The following TNIK variants were observed in gnomAD, a reference collection of about 807,000 sequenced individuals.
The protein encoded by TNIK is TRAF2 and NCK interacting kinase.
Under a neutral mutation model 191.3 loss-of-function variants are expected in TNIK, and 49 were observed. The ratio of observed to expected loss-of-function variants is 0.26; its 90% CI spans 0.20 to 0.32. The LOEUF (loss-of-function observed/expected upper bound fraction) is 0.32. Ranked by LOEUF, TNIK falls within the 10% of genes least tolerant of loss-of-function variation. TNIK has a pLI of 1.00. For synonymous variants in TNIK, 594 were observed against 600.9 expected, an observed-to-expected ratio of 0.99 and a Z score of 0.17; for missense variants, 1,155 against 1,702.3, an observed-to-expected ratio of 0.68 and a Z score of 5.66.
chr3:171,415,037 G>C (rs1722878496), intron 1 of TNIK, among the ~76,000 whole-genome samples: 1 of 152,028 alleles, frequency 6.6e-6, no homozygotes, highest in Non-Finnish European at 1.5e-5. Flanking sequence ...TTTCTACCAG[G>C]CTCCCCCTTC....
intron 2 of TNIK, among the ~76,000 whole-genome samples, chr3:171,367,770 AG>A (rs1437820830): frequency 6.6e-6 from 1 of 152,156 alleles, no homozygotes; most frequent in African/African-American, 2.4e-5. Context: ...GCACCTGGCC[AG>A]GCCCCAAAGC....
intron 2 of TNIK, among the ~76,000 whole-genome samples, chr3:171,263,912 G>A (rs1453168248): frequency 2.0e-5 from 3 of 151,994 alleles, no homozygotes; most frequent in African/African-American, 7.3e-5. Context: ...TTTTAATAAG[G>A]CTGGAGTACT....
chr3:171,394,319 A>T (rs764957917), intron 1 of TNIK, among the ~76,000 whole-genome samples: 1 of 152,198 alleles, frequency 6.6e-6, no homozygotes. Flanking sequence ...CTCTGAACTC[A>T]ATATAACTTT....
At chr3:171,119,401 G>A (rs978266955) in intron 18 of TNIK, among the ~76,000 whole-genome samples, 3 of 152,176 alleles carry the variant, frequency 2.0e-5, no homozygotes, top group Non-Finnish European at 4.4e-5. Context: ...CAGGGATCTA[G>A]AACTAGAAAT....
chr3:171,441,587 G>A (rs1726808042), intron 1 of TNIK, among the ~76,000 whole-genome samples: 1 of 152,026 alleles, frequency 6.6e-6, no homozygotes, highest in African/African-American at 2.4e-5. Flanking sequence ...TCCATTTTTG[G>A]GCCACTGTGA....
intron 2 of TNIK, among the ~76,000 whole-genome samples, chr3:171,260,766 A>AT (rs1411526394): frequency 9.2e-5 from 14 of 152,230 alleles, no homozygotes. Flanking sequence ...CACACAGCCC[A>AT]TTTTAAAAAC....
At chr3:171,249,309 A>G (rs1326951745) in intron 2 of TNIK, among the ~76,000 whole-genome samples, 1 of 152,216 alleles carries the variant, frequency 6.6e-6, no homozygotes, top group Non-Finnish European at 1.5e-5. Flanking sequence ...ATGTTACACC[A>G]CATATTTTCA....
At chr3:171,217,196 C>T (rs1741553499) in intron 3 of TNIK, among the ~76,000 whole-genome samples, 2 of 152,144 alleles carry the variant, frequency 1.3e-5, no homozygotes, top group South Asian at 4.1e-4. Flanking sequence ...GGTATGCATA[C>T]ACCATGCAAT....
intron 4 of TNIK, among the ~76,000 whole-genome samples, chr3:171,206,563 A>G (rs975426354): frequency 6.6e-6 from 1 of 152,060 alleles, no homozygotes; most frequent in Non-Finnish European, 1.5e-5. Context: ...ACCTATCTGA[A>G]AATGGACTGA....
intron 2 of TNIK, among the ~76,000 whole-genome samples, chr3:171,312,145 C>CTAGACTGGCATATCTGATTT (rs1322485404): frequency 1.2e-5 from 1 of 84,758 alleles, no homozygotes; most frequent in Non-Finnish European, 2.3e-5. Flanking sequence ...AAAAAAAGGG[C>CTAGACTGGCATATCTGATTT]TAGACTGGCA....
chr3:171,218,845 T>C (rs1468263579), intron 3 of TNIK, among the ~76,000 whole-genome samples: 1 of 120,794 alleles, frequency 8.3e-6, no homozygotes. Flanking sequence ...ATATTTGATA[T>C]ATATTACATA....
rs372397594 is a variant in TNIK at position 171,188,669 on chromosome 3, G to C, written c.639+33C>G. The stretch of plus-strand genomic sequence containing the variant: ...TATAAGACTCAGGATAAGATGGTAG[G>C]CATAGTTTTGAAACACGACAAAGAA... On this transcript the variant is annotated intron_variant, in intron 7 of 32. Transcript: ENST00000436636. The C allele has an allele frequency of 1.6e-5, 25 of 1,610,546 alleles. No homozygotes were observed. In the African/African-American group the frequency reaches 2.4e-4, roughly 16 times the overall value.
chr3:171,259,256 A>G (rs550600597), intron 2 of TNIK, among the ~76,000 whole-genome samples: 5 of 152,214 alleles, frequency 3.3e-5, no homozygotes, highest in Non-Finnish European at 7.3e-5. Context: ...CAGACCTAAT[A>G]TTTAAACATA....
chr3:171,233,554 T>C (rs1743925050), intron 2 of TNIK, among the ~76,000 whole-genome samples: 1 of 152,076 alleles, frequency 6.6e-6, no homozygotes, highest in African/African-American at 2.4e-5. Flanking sequence ...GGTCCCTCTC[T>C]GGGAATGGCC....
intron 2 of TNIK, among the ~76,000 whole-genome samples, chr3:171,316,431 C>T (rs543659364): frequency 6.6e-6 from 1 of 152,172 alleles, no homozygotes; most frequent in South Asian, 2.1e-4. Context: ...TGAGCTCAGC[C>T]TTGGAGGATC....
At chr3:171,235,695 T>C (rs1298113036) in intron 2 of TNIK, among the ~76,000 whole-genome samples, 1 of 152,148 alleles carries the variant, frequency 6.6e-6, no homozygotes, top group Non-Finnish European at 1.5e-5. Context: ...ATTAATGAAA[T>C]GTTTTTAACT....
At chr3:171,279,154 TA>T (rs1250728712) in intron 2 of TNIK, among the ~76,000 whole-genome samples, 2 of 151,846 alleles carry the variant, frequency 1.3e-5, no homozygotes, top group African/African-American at 2.4e-5. Context: ...AACCTAAAGG[TA>T]AACAAATTTT....
At chr3:171,194,335 C>T (rs1236508648) in intron 5 of TNIK, among the ~76,000 whole-genome samples, 190 bp downstream of exon 5, 1 of 152,170 alleles carries the variant, frequency 6.6e-6, no homozygotes, top group African/African-American at 2.4e-5. Flanking sequence ...GCGCTCACTT[C>T]CATCAGAGCA....
intron 18 of TNIK, among the ~76,000 whole-genome samples, chr3:171,113,642 T>G (rs899393303): frequency 6.6e-6 from 1 of 151,564 alleles, no homozygotes; most frequent in Non-Finnish European, 1.5e-5. Context: ...AAGACCAAAT[T>G]TGTTGGTAGG....
Sources: allele counts gnomAD v4.1 joint callset (sites outside exome capture counted in the v4.1 genomes callset), GRCh38; gene constraint gnomAD v4.1.1; transcripts MANE v1.5; gene names NCBI Gene and HGNC (gene_info 2026-07-23, HGNC 2026-07-21).